Variants in COL27A1 observed in about 807,000 individuals in gnomAD.
COL27A1 encodes collagen alpha-1(XXVII) chain.
A neutral mutation model predicts 251.3 loss-of-function variants in COL27A1; 106 were observed. The observed-to-expected ratio is 0.42, with a 90% CI of 0.36 to 0.50. The LOEUF (loss-of-function observed/expected upper bound fraction) is 0.50. Ranked by LOEUF, COL27A1 falls within the 20% of genes least tolerant of loss-of-function variation. The pLI is 0.00. For missense variants in COL27A1, 2,325 were observed against 2,522.8 expected (o/e 0.92, Z 1.68); for synonymous variants, 1,000 against 986.3 (o/e 1.01, Z -0.26).
chr9:114,220,044 T>A (rs545530417), intron 13 of COL27A1, among the ~76,000 whole-genome samples, 200 bp downstream of exon 13: 9 of 152,034 alleles, frequency 5.9e-5, no homozygotes, highest in African/African-American at 2.2e-4. Flanking sequence ...GTCGCCCCCC[T>A]GTAAGAGTCC....
rs760940536 is a variant in COL27A1 at position 114,304,682 on chromosome 9, A to C, written c.4938+9A>C. The C allele has an allele frequency of 8.7e-6, 14 of 1,612,542 alleles. No homozygotes were observed. The highest frequency in any genetic ancestry group is 1.2e-5 in the Non-Finnish European group (14 of 1,178,730). Reference sequence around the variant, plus strand: ...GAGCACTCAGGCCAGAGGTATCTCCAGGGGCTCTCCCCATGTGGGATCCCT... The same window carrying C: ...GAGCACTCAGGCCAGAGGTATCTCCCGGGGCTCTCCCCATGTGGGATCCCT... On this transcript the variant is annotated intron_variant, in intron 57 of 60. Coordinates refer to ENST00000356083, the MANE Select transcript of COL27A1 (RefSeq NM_032888.4).
intron 8 of COL27A1, 71 bp downstream of exon 8, chr9:114,205,217 C>G: frequency 7.1e-7 from 1 of 1,415,396 alleles, no homozygotes. Flanking sequence ...CTCTGGCCCC[C>G]TCCCTAGATC....
In COL27A1 at chr9:114,168,818, C is replaced by T. The variant is rs369387928; in HGVS notation, c.1263C>T (p.Pro421=). The change falls in exon 3 of 61, where the codon CCC becomes CCT. Residue 421 remains proline, a synonymous_variant. Transcript: ENST00000356083. Reference sequence around the variant, plus strand: ...CAGTTCCTGCCAGAGTCTCCCGTCCCGCAGAGAAGCCCATCCAGAGGAACC... The same window carrying T: ...CAGTTCCTGCCAGAGTCTCCCGTCCTGCAGAGAAGCCCATCCAGAGGAACC... The part of the protein sequence containing the change: ...SRPVPARVSR[P]AEKPIQRNPG... 27 of 1,613,894 alleles carry T rather than the reference C, an allele frequency of 1.7e-5. No individual in the cohort carries two copies. Among genetic ancestry groups the T allele is most frequent in the South Asian group, 3.3e-5 (3 of 91,076 alleles).
chr9:114,301,744 T>C (rs1356700713), intron 55 of COL27A1, 27 bp downstream of exon 55: 1 of 1,608,892 alleles, frequency 6.2e-7, no homozygotes, highest in African/African-American at 1.3e-5. Flanking sequence ...TGGGTGCATC[T>C]TGGACTCCTG....
chr9:114,253,072 A>G, intron 27 of COL27A1, 140 bp downstream of exon 27: 1 of 703,638 alleles, frequency 1.4e-6, no homozygotes, highest in Non-Finnish European at 2.5e-6. Flanking sequence ...CCAGCCTGAC[A>G]AACATACCAA....
intron 36 of COL27A1, chr9:114,273,327 G>T (rs888044523): frequency 3.9e-5 from 6 of 152,304 alleles, no homozygotes; most frequent in African/African-American, 1.2e-4. Flanking sequence ...CCAGCAGGAA[G>T]GGATCCGGGC....
intron 60 of COL27A1, 40 bp downstream of exon 60, chr9:114,309,518 C>G: frequency 6.6e-7 from 1 of 1,518,576 alleles, no homozygotes; most frequent in Non-Finnish European, 9.1e-7. Context: ...CATGTGGGGA[C>G]AACTGGAAAA....
intron 48 of COL27A1, among the ~76,000 whole-genome samples, chr9:114,291,825 A>C (rs2131631392): frequency 6.6e-6 from 1 of 152,306 alleles, no homozygotes. Flanking sequence ...AGGGAACTGC[A>C]TGCTGTTGGG....
chr9:114,184,039 A>C (rs1356786463), intron 5 of COL27A1, among the ~76,000 whole-genome samples: 1 of 152,152 alleles, frequency 6.6e-6, no homozygotes, highest in Non-Finnish European at 1.5e-5. Flanking sequence ...AGTTTGTGGA[A>C]TGGCTGGAGA....
At position 114,207,956 on chromosome 9, in the gene COL27A1, T is replaced by C. The variant is rs567564056; in HGVS notation, c.2268+1660T>C. Among the ~76,000 whole-genome samples the C allele has an allele frequency of 6.6e-5, 10 of 152,152 alleles. 1 individual carries two copies. The South Asian group carries it at 2.1e-3, about 32-fold the overall frequency. On this transcript the variant is annotated intron_variant, in intron 10 of 60. Transcript: ENST00000356083. ...TGGCCTTCCAGGGAAGGAGAGATGGTTGTGAGCCTCCATTGGTTGCTTGTT... is the reference window on the plus strand; with the variant it reads ...TGGCCTTCCAGGGAAGGAGAGATGGCTGTGAGCCTCCATTGGTTGCTTGTT...
intron 26 of COL27A1, 104 bp from the exon 27 acceptor site, chr9:114,252,775 G>T: frequency 7.1e-7 from 1 of 1,410,842 alleles, no homozygotes; most frequent in Non-Finnish European, 1.0e-6. Flanking sequence ...AGGGGGCCTA[G>T]CTGCTGTCCT....
Position 114,282,341 on chromosome 9 carries a change from C to T in COL27A1, c.3771+11C>T. ...CGCACTGGAGCCAAGGTAGGTGTCC[C>T]CTTCTGACTTGATAGGCCTGCGTCC... On this transcript the variant is annotated intron_variant, in intron 38 of 60. Coordinates refer to ENST00000356083, the MANE Select transcript of COL27A1 (RefSeq NM_032888.4). 1 of 1,614,006 alleles carries T rather than the reference C, an allele frequency of 6.2e-7. No homozygotes were observed. Among genetic ancestry groups the T allele is most frequent in the Non-Finnish European group, 8.5e-7 (1 of 1,179,996 alleles).
chr9:114,245,155 T>G lies in COL27A1; in HGVS notation c.2935-711T>G, dbSNP rs1487691847. On this transcript the variant is annotated intron_variant, in intron 23 of 60. Coordinates refer to ENST00000356083, the MANE Select transcript of COL27A1 (RefSeq NM_032888.4). ...GTGGGAATGTGCATTCTTGTTTTTT[T>G]TTTTTTTTTTTTTTTTTTTTTGACA... 2.3e-4 allele frequency among the ~76,000 whole-genome samples: 32 copies of G among 140,118 alleles called. 1 individual carries two copies. In the South Asian group the frequency reaches 5.3e-3, roughly 23 times the overall value. The allele number at this position is 140,118 out of a possible 152,430, so 91.9% of individuals were successfully genotyped here.
intron 48 of COL27A1, among the ~76,000 whole-genome samples, chr9:114,291,641 C>T (rs1827925589): frequency 6.6e-6 from 1 of 152,066 alleles, no homozygotes. Flanking sequence ...CCCAGCCACT[C>T]GGGAGGCCGA....
rs1195424323 is a variant in COL27A1, at chr9:114,311,843, A to T, written c.*1148A>T. Reference sequence around the variant, plus strand: ...GCTTAGAGGTGAAGCATCAACATGGAACCATCTCAGGAAGCCGCATCGCCT... The same window carrying T: ...GCTTAGAGGTGAAGCATCAACATGGTACCATCTCAGGAAGCCGCATCGCCT... On this transcript the variant is annotated 3_prime_UTR_variant, in exon 61 of 61. Coordinates refer to ENST00000356083, the MANE Select transcript of COL27A1 (RefSeq NM_032888.4). 2 of 152,184 alleles carry T rather than the reference A, an allele frequency of 1.3e-5. No homozygotes were observed. Among genetic ancestry groups the T allele is most frequent in the Admixed American group, 6.5e-5 (1 of 15,288 alleles). The allele number at this position is 152,184 out of a possible 1,614,324, so 9.4% of individuals were successfully genotyped here.
At position 114,292,188 on chromosome 9, in the gene COL27A1, A is replaced by C; in HGVS notation, c.4562A>C (p.Glu1521Ala). The change falls in exon 49 of 61, where the codon GAG (glutamate) becomes GCG (alanine). Residue 1521 changes from glutamate to alanine, a missense_variant. Transcript: ENST00000356083. ...GRTGLPGNQG[E>A]PGSKGQPGDS... ...ACGGGGCTCCCTGGAAACCAGGGGG[A>C]GCCTGGGTCCAAAGGCCAGCCGGTG... 1 of 1,556,278 alleles carries C rather than the reference A, an allele frequency of 6.4e-7. No homozygotes were observed. The highest frequency in any genetic ancestry group is 2.4e-5 in the East Asian group (1 of 41,342).
intron 25 of COL27A1, among the ~76,000 whole-genome samples, chr9:114,251,337 G>A (rs889565677): frequency 2.0e-5 from 3 of 151,854 alleles, no homozygotes; most frequent in African/African-American, 7.3e-5. Context: ...GTCTGGCCCC[G>A]CCTAACTCTC....
At chr9:114,180,351 C>A (rs1402696024) in intron 4 of COL27A1, among the ~76,000 whole-genome samples, 1 of 152,120 alleles carries the variant, frequency 6.6e-6, no homozygotes, top group Non-Finnish European at 1.5e-5. Flanking sequence ...TTAGGCAAGT[C>A]CCTTCTGTCC....
At chr9:114,301,875 C>T (rs781009117) in intron 55 of COL27A1, among the ~76,000 whole-genome samples, 158 bp downstream of exon 55, 1 of 152,172 alleles carries the variant, frequency 6.6e-6, no homozygotes, top group Non-Finnish European at 1.5e-5. Flanking sequence ...CCCGAACATT[C>T]ACTTTTGCCT....
Sources: gnomAD v4.1 joint callset for allele counts (sites outside exome capture counted in the v4.1 genomes callset) on GRCh38, gnomAD v4.1.1 for gene constraint, MANE v1.5 for transcripts, NCBI Gene and HGNC (gene_info 2026-07-23, HGNC 2026-07-21) for gene names.